The following TBCD variants were observed in gnomAD, a reference collection of about 807,000 sequenced individuals.
TBCD encodes the protein tubulin-specific chaperone D.
TBCD carries 105 observed loss-of-function variants against 169.3 expected under a neutral mutation model. That is an observed-to-expected ratio of 0.62 (90% CI 0.53 to 0.73). The LOEUF is 0.73. TBCD is among the 30% of genes least tolerant of loss of function. The pLI is 0.00. For missense variants in TBCD, 1,444 were observed against 1,600.1 expected (o/e 0.90, Z 1.66); for synonymous variants, 700 against 643.9 (o/e 1.09, Z -1.32).
intron 6 of TBCD, among the ~76,000 whole-genome samples, chr17:82,779,017 T>C (rs2048777598): frequency 6.6e-6 from 1 of 151,186 alleles, no homozygotes; most frequent in Admixed American, 6.6e-5. Flanking sequence ...TATTTATTTA[T>C]TTATTTATTT....
intron 37 of TBCD, 88 bp downstream of exon 37, chr17:82,939,564 C>A (rs150882414): frequency 1.8e-5 from 19 of 1,068,698 alleles, no homozygotes; most frequent in Admixed American, 8.3e-5. Flanking sequence ...TCTCCCAAAA[C>A]CCTCTGATAG....
At chr17:82,857,541 A>G (rs1240020397) in intron 13 of TBCD, among the ~76,000 whole-genome samples, 1 of 152,140 alleles carries the variant, frequency 6.6e-6, no homozygotes, top group Non-Finnish European at 1.5e-5. Flanking sequence ...TGATGTGTAC[A>G]TACACACATG....
At chr17:82,812,630 C>T (rs966806450) in intron 12 of TBCD, among the ~76,000 whole-genome samples, 6 of 152,168 alleles carry the variant, frequency 3.9e-5, no homozygotes, top group South Asian at 4.1e-4. Context: ...CTGCGATCTC[C>T]GCCTCCTGGG....
At chr17:82,801,567 T>C (rs2050532027) in intron 9 of TBCD, among the ~76,000 whole-genome samples, 1 of 133,370 alleles carries the variant, frequency 7.5e-6, no homozygotes, top group African/African-American at 2.9e-5. Context: ...GAGGCTGGCG[T>C]GTGCGTCGTG....
chr17:82,836,562 A>G lies in TBCD; in HGVS notation c.1318+21628A>G, dbSNP rs951413596. Among the ~76,000 whole-genome samples the G allele has an allele frequency of 2.2e-4, 33 of 152,162 alleles. 1 individual carries two copies. The highest frequency in any genetic ancestry group is 1.7e-3 in the Admixed American group (26 of 15,284). ...AGTTTTCGAAGCCGCATTATTTCAC[A>G]TTGCTGATACCTCTAGCGCCTGAAA... On this transcript the variant is annotated intron_variant, in intron 13 of 38. Coordinates refer to ENST00000355528, the MANE Select transcript of TBCD (RefSeq NM_005993.5).
At chr17:82,828,722 CAT>C (rs1168391816) in intron 13 of TBCD, among the ~76,000 whole-genome samples, 2 of 149,796 alleles carry the variant, frequency 1.3e-5, no homozygotes, top group African/African-American at 5.0e-5. Context: ...CATGCACTCA[CAT>C]GATTGAATGT....
chr17:82,878,469 A>G (rs1429529833), intron 14 of TBCD, among the ~76,000 whole-genome samples: 1 of 152,052 alleles, frequency 6.6e-6, no homozygotes, highest in African/African-American at 2.4e-5. Flanking sequence ...TCCAGAGACG[A>G]CTGGCCAGAT....
At chr17:82,918,483 C>G (rs1322921369) in intron 23 of TBCD, 2 of 152,254 alleles carry the variant, frequency 1.3e-5, no homozygotes, top group Non-Finnish European at 2.9e-5. Context: ...ACAGTTTGTG[C>G]CTTCCTAGCC....
At chr17:82,786,610 C>T (rs1258540558) in intron 7 of TBCD, among the ~76,000 whole-genome samples, 1 of 152,152 alleles carries the variant, frequency 6.6e-6, no homozygotes, top group East Asian at 1.9e-4. Flanking sequence ...CAGGGACTTG[C>T]AGGCAGGTGA....
intron 8 of TBCD, among the ~76,000 whole-genome samples, chr17:82,798,670 A>G (rs1010818076): frequency 1.3e-5 from 2 of 152,126 alleles, no homozygotes; most frequent in Admixed American, 6.5e-5. Context: ...CTGAGGTTGG[A>G]CCTGGCTTCT....
intron 2 of TBCD, among the ~76,000 whole-genome samples, chr17:82,757,907 A>G (rs970242750): frequency 3.9e-5 from 6 of 152,126 alleles, no homozygotes; most frequent in Non-Finnish European, 7.4e-5. Context: ...CAGGAAACAG[A>G]TGTGGTCACT....
chr17:82,875,859 C>T (rs1211530779), intron 14 of TBCD, among the ~76,000 whole-genome samples: 1 of 152,064 alleles, frequency 6.6e-6, no homozygotes, highest in Admixed American at 6.6e-5. Context: ...AGGTGTGACT[C>T]GAAAGCACTT....
intron 24 of TBCD, chr17:82,921,194 G>A (rs2061400985): frequency 2.2e-6 from 1 of 457,784 alleles, no homozygotes; most frequent in Admixed American, 3.7e-5. Flanking sequence ...GGGAGCCGGG[G>A]GAGACCGTTT....
intron 13 of TBCD, among the ~76,000 whole-genome samples, chr17:82,866,819 C>G (rs140728284): frequency 0.013 from 1,983 of 152,352 alleles, 24 homozygotes; most frequent in Middle Eastern, 0.034. Flanking sequence ...CAGCTGGGGA[C>G]AGCAGTCCAG....
At chr17:82,935,073 A>T (rs12600581) in intron 34 of TBCD, among the ~76,000 whole-genome samples, 5 of 151,206 alleles carry the variant, frequency 3.3e-5, no homozygotes, top group Admixed American at 2.0e-4. Flanking sequence ...CAAAAAAAAA[A>T]TTTTTTTTCC....
chr17:82,799,215 C>T (rs35937711), intron 8 of TBCD, among the ~76,000 whole-genome samples: 55,990 of 151,602 alleles, frequency 0.37, 10,623 homozygotes, highest in Middle Eastern at 0.41. Context: ...GAGGCTGAGG[C>T]GGGTGGATCA....
chr17:82,773,444 C>T (rs922426634), intron 6 of TBCD, among the ~76,000 whole-genome samples: 2 of 152,094 alleles, frequency 1.3e-5, no homozygotes, highest in African/African-American at 2.4e-5. Flanking sequence ...AAAAGATGAT[C>T]GTCTAATTAT....
In TBCD at chr17:82,937,324, C is replaced by T; in HGVS notation, c.3245C>T (p.Ser1082Leu). The change falls in exon 35 of 39, where the codon TCA becomes TTA. Residue 1082 changes from serine (S) to leucine (L), a missense_variant. Coordinates refer to ENST00000355528, the MANE Select transcript of TBCD (RefSeq NM_005993.5). ...LALCKKEIKN[S>L]KDIQKLLSGI... The stretch of plus-strand genomic sequence containing the variant: ...CTCTGTAAGAAAGAAATCAAGAATT[C>T]AAAAGATATCCAGAAGCTCCTGTCA... The T allele has an allele frequency of 1.9e-6, 3 of 1,614,006 alleles. No homozygotes were observed. Among genetic ancestry groups the T allele is most frequent in the Non-Finnish European group, 2.5e-6 (3 of 1,179,882 alleles).
In TBCD at chr17:82,880,757, G is replaced by A. The variant is rs2058298161; in HGVS notation, c.1476-3388G>A. On this transcript the variant is annotated intron_variant, in intron 14 of 38. Transcript: ENST00000355528. This position sits in a 1 kb window ranked among gnomAD's most constrained non-coding sequence, Gnocchi z 5.0. ...CCGTCTGTCCACAGGAGCAGGAGGGGCTGGGCGGGGAGGACGCAGGGTCTG... is the reference window on the plus strand; with the variant it reads ...CCGTCTGTCCACAGGAGCAGGAGGGACTGGGCGGGGAGGACGCAGGGTCTG... Among the ~76,000 whole-genome samples the A allele has an allele frequency of 6.6e-6, 1 of 152,246 alleles. No homozygotes were observed. Among genetic ancestry groups the A allele is most frequent in the Non-Finnish European group, 1.5e-5 (1 of 68,042 alleles).
Sources: allele counts gnomAD v4.1 joint callset (sites outside exome capture counted in the v4.1 genomes callset), GRCh38; gene constraint gnomAD v4.1.1; non-coding constraint Gnocchi (gnomAD v3.1); transcripts MANE v1.5; gene names NCBI Gene and HGNC (gene_info 2026-07-23, HGNC 2026-07-21).